The following DOK6 variants were observed in gnomAD, a reference collection of about 807,000 sequenced individuals.
DOK6 encodes docking protein 6.
Under a neutral mutation model 44.0 loss-of-function variants are expected in DOK6, and 22 were observed. The observed-to-expected ratio is 0.50, with a 90% CI of 0.36 to 0.71. DOK6 has a LOEUF of 0.71. Ranked by LOEUF, DOK6 falls within the 30% of genes least tolerant of loss-of-function variation. The pLI is 0.00. For missense variants in DOK6, 340 were observed against 416.4 expected (o/e 0.82, Z 1.60); for synonymous variants, 166 against 145.5 (o/e 1.14, Z -1.01).
At chr18:69,534,403 A>G (rs768867950) in intron 1 of DOK6, among the ~76,000 whole-genome samples, 5 of 152,144 alleles carry the variant, frequency 3.3e-5, no homozygotes, top group South Asian at 4.1e-4. Flanking sequence ...TTCTGTATAT[A>G]CATGTATGTG....
At chr18:69,587,051 G>A (rs1243081018) in intron 2 of DOK6, among the ~76,000 whole-genome samples, 3 of 152,100 alleles carry the variant, frequency 2.0e-5, no homozygotes, top group African/African-American at 4.8e-5. Flanking sequence ...GAAAATTTTC[G>A]TGGTTGTCTT....
At chr18:69,547,986 C>T (rs1032535092) in intron 1 of DOK6, among the ~76,000 whole-genome samples, 9 of 148,060 alleles carry the variant, frequency 6.1e-5, no homozygotes, top group Non-Finnish European at 1.0e-4. Flanking sequence ...GACAGAGTCT[C>T]GCTGTCACCC....
chr18:69,725,392 A>AACAGG (rs1568106328), intron 5 of DOK6, among the ~76,000 whole-genome samples: 2 of 152,240 alleles, frequency 1.3e-5, no homozygotes, highest in Non-Finnish European at 2.9e-5. Context: ...TGTTCAAAAG[A>AACAGG]ACAGGAAACT....
At chr18:69,759,213 G>A (rs530053615) in intron 7 of DOK6, among the ~76,000 whole-genome samples, 2 of 152,166 alleles carry the variant, frequency 1.3e-5, no homozygotes, top group African/African-American at 4.8e-5. Context: ...GAGAAGACGA[G>A]TATCTTATGC....
chr18:69,608,532 G>A (rs569605533), intron 3 of DOK6, among the ~76,000 whole-genome samples: 32 of 151,802 alleles, frequency 2.1e-4, no homozygotes, highest in Middle Eastern at 6.8e-3. Context: ...TTTTATTTTT[G>A]TAAAAAAAGT....
intron 5 of DOK6, among the ~76,000 whole-genome samples, chr18:69,723,946 T>C (rs1234279741): frequency 6.6e-6 from 1 of 152,230 alleles, no homozygotes; most frequent in Non-Finnish European, 1.5e-5. Context: ...TCCTGTCCAC[T>C]GCTCTGTGCA....
intron 7 of DOK6, among the ~76,000 whole-genome samples, chr18:69,776,092 A>T (rs555911485): frequency 5.9e-4 from 90 of 152,196 alleles, no homozygotes; most frequent in African/African-American, 2.1e-3. Flanking sequence ...TGAAAACATG[A>T]CAATTATAAT....
intron 1 of DOK6, among the ~76,000 whole-genome samples, chr18:69,563,856 C>T (rs9962189): frequency 0.96 from 145,739 of 152,156 alleles, 70,135 homozygotes; most frequent in East Asian, 1. Context: ...GCACAAACTT[C>T]ATCTTGAAAT....
intron 1 of DOK6, among the ~76,000 whole-genome samples, chr18:69,524,895 A>C (rs1981787308): frequency 6.6e-6 from 1 of 151,808 alleles, no homozygotes; most frequent in African/African-American, 2.4e-5. Flanking sequence ...GGACAAGTCG[A>C]CTTTAATTGC....
At chr18:69,654,644 A>T (rs1395958847) in intron 3 of DOK6, among the ~76,000 whole-genome samples, 1 of 152,236 alleles carries the variant, frequency 6.6e-6, no homozygotes, top group African/African-American at 2.4e-5. Flanking sequence ...CCCAATATAA[A>T]CTACTTGCAT....
chr18:69,787,992 C>T (rs1255094579), intron 7 of DOK6, among the ~76,000 whole-genome samples: 1 of 152,114 alleles, frequency 6.6e-6, no homozygotes, highest in Non-Finnish European at 1.5e-5. Flanking sequence ...AAGTGTATTT[C>T]TGCAGAAGTT....
At chr18:69,449,032 C>A (rs535060063) in intron 1 of DOK6, among the ~76,000 whole-genome samples, 1 of 152,206 alleles carries the variant, frequency 6.6e-6, no homozygotes, top group East Asian at 1.9e-4. Flanking sequence ...TAAGGTATAA[C>A]CAGGACTGTA....
At chr18:69,835,412 C>A (rs1443221076) in intron 7 of DOK6, among the ~76,000 whole-genome samples, 3 of 151,772 alleles carry the variant, frequency 2.0e-5, no homozygotes, top group Non-Finnish European at 4.4e-5. Flanking sequence ...TTGCAGTGAG[C>A]CAAAATCGCA....
intron 2 of DOK6, among the ~76,000 whole-genome samples, chr18:69,589,904 T>C (rs536829383): frequency 6.6e-6 from 1 of 152,102 alleles, no homozygotes; most frequent in East Asian, 1.9e-4. Context: ...GTAGTAATGG[T>C]GGAACAGGTA....
chr18:69,420,351 T>G (rs1325484382), intron 1 of DOK6, among the ~76,000 whole-genome samples: 2 of 152,162 alleles, frequency 1.3e-5, no homozygotes, highest in Admixed American at 6.6e-5. Context: ...GCAGCAACTT[T>G]TACAGCAAGT....
rs141625054 is a variant in DOK6, at chr18:69,670,883, A to G, written c.290-6851A>G. Among the ~76,000 whole-genome samples the G allele has an allele frequency of 3.9e-3, 589 of 152,212 alleles. 3 individuals carry two copies. The highest frequency in any genetic ancestry group is 7.0e-3 in the Admixed American group (107 of 15,278). The stretch of plus-strand genomic sequence containing the variant: ...GGCTTTCCATCACAGAAATGCATTC[A>G]TTCTCAAGGTGAGCTTCCAAGTTGT... On this transcript the variant is annotated intron_variant, in intron 3 of 7. Coordinates refer to ENST00000382713, the MANE Select transcript of DOK6 (RefSeq NM_152721.6).
At chr18:69,698,184 G>A (rs540072954) in intron 4 of DOK6, among the ~76,000 whole-genome samples, 6 of 152,144 alleles carry the variant, frequency 3.9e-5, no homozygotes, top group South Asian at 2.1e-4. Flanking sequence ...ATGAAAAGTC[G>A]TTGAGTGAAT....
At chr18:69,684,645 C>G (rs1415805335) in intron 4 of DOK6, among the ~76,000 whole-genome samples, 1 of 152,112 alleles carries the variant, frequency 6.6e-6, no homozygotes, top group Non-Finnish European at 1.5e-5. Context: ...TTCCTCTTTT[C>G]ATGGGAGGTC....
chr18:69,667,807 C>T (rs1599252776), intron 3 of DOK6, among the ~76,000 whole-genome samples: 2 of 152,092 alleles, frequency 1.3e-5, no homozygotes, highest in East Asian at 3.9e-4. Flanking sequence ...TTTCTACCTA[C>T]TCAGACTTCT....
Sources: allele counts gnomAD v4.1 joint callset (sites outside exome capture counted in the v4.1 genomes callset), GRCh38; gene constraint gnomAD v4.1.1; transcripts MANE v1.5; gene names NCBI Gene and HGNC (gene_info 2026-07-23, HGNC 2026-07-21).